ANO7: variants seen among roughly 807,000 people sequenced by gnomAD.
ANO7 encodes anoctamin-7.
A neutral mutation model predicts 115.8 loss-of-function variants in ANO7; 114 were observed. The ratio of observed to expected loss-of-function variants is 0.98; its 90% CI spans 0.85 to 1.15. ANO7 has a LOEUF of 1.15. Among genes scored for constraint, ANO7 ranks in the 50% most tolerant of loss-of-function variants. ANO7 has a pLI of 0.00. For missense variants in ANO7, 1,302 were observed against 1,201.2 expected, an observed-to-expected ratio of 1.08 and a Z score of -1.24; for synonymous variants, 550 against 498.2, an observed-to-expected ratio of 1.10 and a Z score of -1.38.
At chr2:241,191,970 T>G (rs2068216690) in intron 3 of ANO7, among the ~76,000 whole-genome samples, 2 of 152,184 alleles carry the variant, frequency 1.3e-5, no homozygotes, top group Non-Finnish European at 2.9e-5. Context: ...CCCGGGGAGA[T>G]ATCTGTACAC....
chr2:241,207,774 C>T (rs1188934269), intron 11 of ANO7, 104 bp downstream of exon 11: 7 of 1,062,086 alleles, frequency 6.6e-6, no homozygotes, highest in East Asian at 4.8e-5. Flanking sequence ...CCCTGTCCTG[C>T]TTGTCACCAG....
chr2:241,189,001 G>T (rs11694278), intron 1 of ANO7, among the ~76,000 whole-genome samples: 1 of 152,074 alleles, frequency 6.6e-6, no homozygotes, highest in Admixed American at 6.5e-5. Context: ...CTGCCCAGGG[G>T]CTCCCCCATG....
the ANO7 span, chr2:241,236,727 G>C: frequency 1.2e-6 from 2 of 1,614,014 alleles, no homozygotes; most frequent in East Asian, 2.2e-5. Flanking sequence ...CCCCTCCCCA[G>C]CTTCGTCCCC....
intron 16 of ANO7, 74 bp downstream of exon 16, chr2:241,212,279 A>AC: frequency 6.5e-6 from 9 of 1,376,458 alleles, no homozygotes; most frequent in African/African-American, 1.4e-5. Context: ...CTGCCTGGGT[A>AC]CCAGGCGTCA....
At chr2:241,238,544 T>C in the ANO7 span, 91 of 943,566 alleles carry the variant, frequency 9.6e-5, no homozygotes, top group Non-Finnish European at 1.2e-4. The surrounding 1 kb of genome is among the most constrained non-coding windows in gnomAD (Gnocchi z 4.9). Context: ...TAGATGGTTT[T>C]CCAGCAGAGA....
Position 241,224,334 on chromosome 2 carries a change from A to C in ANO7, c.*181A>C. On this transcript the variant is annotated 3_prime_UTR_variant, in exon 25 of 25. Transcript: ENST00000674324. ...GGCTTCTCTCCTCAGAGCGCCTGTC[A>C]CTCCATCCCCGGCAGGGAGGGACCG... 4.6e-6 allele frequency: 3 copies of C among 646,790 alleles called. No individual in the cohort carries two copies. The highest frequency in any genetic ancestry group is 2.0e-5 in the South Asian group (1 of 49,876). The allele number at this position is 646,790 out of a possible 1,614,324, so 40.1% of individuals were successfully genotyped here.
At chr2:241,211,989 G>A in intron 15 of ANO7, 105 bp from the exon 16 acceptor site, 1 of 753,558 alleles carries the variant, frequency 1.3e-6, no homozygotes, top group East Asian at 2.5e-5. Flanking sequence ...GGATGATATG[G>A]CCTTTTCCTC....
chr2:241,209,625 T>C lies in ANO7; in HGVS notation c.1349T>C (p.Ile450Thr), dbSNP rs2068675333. The C allele has an allele frequency of 6.4e-7, 1 of 1,564,068 alleles. No individual in the cohort carries two copies. The highest frequency in any genetic ancestry group is 1.4e-5 in the African/African-American group (1 of 73,642). ...ARRMLAGSVVIVVMVAVVVMC... is the reference protein window; with the variant it reads ...ARRMLAGSVVTVVMVAVVVMC... ...CGCATGCTGGCCGGCTCTGTGGTGATCGTGGTGATGGTATGCGGTCCCCCT... is the reference window on the plus strand; with the variant it reads ...CGCATGCTGGCCGGCTCTGTGGTGACCGTGGTGATGGTATGCGGTCCCCCT... The change falls in exon 13 of 25, where the codon ATC (isoleucine) becomes ACC (threonine). Residue 450 changes from isoleucine (I) to threonine (T), a missense_variant. Ile to Thr is a moderately conservative substitution (Grantham distance 89). Transcript: ENST00000674324.
At chr2:241,217,608 G>C in intron 19 of ANO7, 78 bp from the exon 20 acceptor site, 2 of 1,479,582 alleles carry the variant, frequency 1.4e-6, no homozygotes, top group Non-Finnish European at 1.8e-6. Flanking sequence ...TGGACTGGCC[G>C]GTCCTCCGCG....
chr2:241,217,881 T>A lies in ANO7; in HGVS notation c.2168T>A (p.Val723Asp). 4 of 1,575,748 alleles carry A rather than the reference T, an allele frequency of 2.5e-6. No individual in the cohort carries two copies. Among genetic ancestry groups the A allele is most frequent in the Non-Finnish European group, 3.4e-6 (4 of 1,167,006 alleles). The change falls in exon 20 of 25, where the codon GTC becomes GAC. Residue 723 changes from valine to aspartate, a missense_variant. Coordinates refer to ENST00000674324, the MANE Select transcript of ANO7 (RefSeq NM_001370694.2). ...CTGGCGGGCCTCACGCACCTGGCGGTCATCAGCAACGTGAGGCCCGGGCGG... is the reference window on the plus strand; with the variant it reads ...CTGGCGGGCCTCACGCACCTGGCGGACATCAGCAACGTGAGGCCCGGGCGG... ...HILAGLTHLA[V>D]ISNAFLLAFS...
chr2:241,191,803 A>T (rs1396050817), intron 3 of ANO7, among the ~76,000 whole-genome samples: 1 of 149,550 alleles, frequency 6.7e-6, no homozygotes, highest in Admixed American at 6.8e-5. Context: ...GTTGATGAGG[A>T]TGAGCGGAAA....
At chr2:241,239,520 G>A in the ANO7 span, 1 of 1,141,152 alleles carries the variant, frequency 8.8e-7, no homozygotes. The surrounding 1 kb of genome is among the most constrained non-coding windows in gnomAD (Gnocchi z 4.6). Context: ...CCTCCCTACA[G>A]GGTGGAGCGA....
chr2:241,204,071 C>T (rs2068534306), intron 9 of ANO7, among the ~76,000 whole-genome samples: 1 of 152,208 alleles, frequency 6.6e-6, no homozygotes, highest in African/African-American at 2.4e-5. Context: ...TAGAGCCAGC[C>T]AGGGCAGCGG....
chr2:241,217,611 C>A, intron 19 of ANO7, 75 bp from the exon 20 acceptor site: 1 of 1,493,960 alleles, frequency 6.7e-7, no homozygotes, highest in Non-Finnish European at 9.0e-7. Context: ...ACTGGCCGGT[C>A]CTCCGCGGGG....
At chr2:241,229,639 C>T, downstream of ANO7, 1 of 1,614,128 alleles carries the variant, frequency 6.2e-7, no homozygotes, top group Non-Finnish European at 8.5e-7. Flanking sequence ...TTGGGAGCCA[C>T]CTGAGCCCCA....
In ANO7 at chr2:241,188,693, T is replaced by C. The variant is rs1201604562; in HGVS notation, c.-81T>C. 1.2e-6 allele frequency: 2 copies of C among 1,613,446 alleles called. No individual in the cohort carries two copies. Among genetic ancestry groups the C allele is most frequent in the African/African-American group, 2.7e-5 (2 of 74,940 alleles). On this transcript the variant is annotated 5_prime_UTR_variant, in exon 1 of 25. Coordinates refer to ENST00000674324, the MANE Select transcript of ANO7 (RefSeq NM_001370694.2). The surrounding 1 kb of genome is among the most constrained non-coding windows in gnomAD (Gnocchi z 4.3). ...CTGTCCCGCAGTGAGGACGGGACTC[T>C]ACTGCCGAGACCAGGCTCACGCTGA...
At chr2:241,201,416 G>GC (rs1364256043) in intron 7 of ANO7, 61 bp downstream of exon 7, 3 of 1,558,544 alleles carry the variant, frequency 1.9e-6, no homozygotes, top group Non-Finnish European at 2.6e-6. Context: ...GATCCTGCCA[G>GC]CCCCCAGCCT....
chr2:241,209,867 G>A (rs1019837253), intron 13 of ANO7, among the ~76,000 whole-genome samples: 10 of 152,158 alleles, frequency 6.6e-5, no homozygotes, highest in Non-Finnish European at 1.0e-4. Flanking sequence ...TGCGGGCATG[G>A]GGCATTTTTC....
chr2:241,204,599 G>C (rs1469846847), intron 9 of ANO7, among the ~76,000 whole-genome samples: 2 of 152,176 alleles, frequency 1.3e-5, no homozygotes, highest in African/African-American at 4.8e-5. Context: ...CAGAGGTGGA[G>C]AGCCTGGTGG....
Sources: gnomAD v4.1 joint callset for allele counts (sites outside exome capture counted in the v4.1 genomes callset) on GRCh38, gnomAD v4.1.1 for gene constraint, Gnocchi (gnomAD v3.1) non-coding constraint, MANE v1.5 for transcripts, NCBI Gene and HGNC (gene_info 2026-07-23, HGNC 2026-07-21) for gene names.